Variants in JAK1 observed in about 807,000 individuals in gnomAD.
JAK1 encodes Janus kinase 1, also known as tyrosine-protein kinase JAK1.
A neutral mutation model predicts 136.6 loss-of-function variants in JAK1; 16 were observed. That is an observed-to-expected ratio of 0.12 (90% CI 0.08 to 0.18). JAK1 has a LOEUF of 0.18. JAK1 is among the 10% of genes least tolerant of loss of function. The pLI, the probability that JAK1 is intolerant of heterozygous loss-of-function variation, is 1.00. For synonymous variants in JAK1, 492 were observed against 519.5 expected (o/e 0.95, Z 0.72); for missense variants, 859 against 1,450.1 (o/e 0.59, Z 6.62).
In JAK1 at chr1:64,866,940, C is replaced by T; in HGVS notation, c.916G>A (p.Asp306Asn). ...TCGTAGTAGAGAACGTTTCCACCGTCATTCGAATGAAACCAATTCATCTCA... is the reference window on the plus strand; with the variant it reads ...TCGTAGTAGAGAACGTTTCCACCGTTATTCGAATGAAACCAATTCATCTCA... ...ENEMNWFHSN[D>N]GGNVLYYEVM... Residue 306 changes from aspartate to asparagine, a missense_variant, in exon 7 of 25, where the codon GAC becomes AAC. Coordinates refer to ENST00000342505, the MANE Select transcript of JAK1 (RefSeq NM_002227.4). 19 of 1,614,226 alleles carry T rather than the reference C, an allele frequency of 1.2e-5. No individual in the cohort carries two copies. Among genetic ancestry groups the T allele is most frequent in the Non-Finnish European group, 1.6e-5 (19 of 1,180,038 alleles).
intron 1 of JAK1, among the ~76,000 whole-genome samples, chr1:64,914,745 G>C (rs1274920069): frequency 6.6e-6 from 1 of 152,068 alleles, no homozygotes; most frequent in Non-Finnish European, 1.5e-5. Context: ...TGTATTTTTA[G>C]TAGAGATGGG....
At chr1:64,965,464 G>T (rs928240424) in intron 1 of JAK1, among the ~76,000 whole-genome samples, 5 of 152,138 alleles carry the variant, frequency 3.3e-5, no homozygotes, top group African/African-American at 1.2e-4. Context: ...CTTTTATCTA[G>T]AAGTTCCGTG....
intron 2 of JAK1, among the ~76,000 whole-genome samples, chr1:65,037,982 G>A (rs748777565): frequency 6.6e-6 from 1 of 152,056 alleles, no homozygotes. Flanking sequence ...CCTATGATTG[G>A]CTTGTTACAA....
intron 1 of JAK1, among the ~76,000 whole-genome samples, chr1:64,892,326 G>A (rs560773087): frequency 3.3e-5 from 5 of 152,190 alleles, no homozygotes; most frequent in East Asian, 3.9e-4. Context: ...TGTCACCCAC[G>A]CTGGAATATA....
chr1:64,872,952 A>G (rs536886431), intron 5 of JAK1, among the ~76,000 whole-genome samples: 2 of 152,082 alleles, frequency 1.3e-5, no homozygotes, highest in African/African-American at 4.8e-5. Context: ...TTTCTATCCT[A>G]CCACCAGTGA....
intron 2 of JAK1, among the ~76,000 whole-genome samples, chr1:64,976,111 G>C (rs1341271837): frequency 6.6e-6 from 1 of 152,176 alleles, no homozygotes; most frequent in Non-Finnish European, 1.5e-5. Flanking sequence ...TGACCCCTTT[G>C]ATCCTAGATC....
chr1:64,878,177 G>A (rs1231094225), intron 4 of JAK1, among the ~76,000 whole-genome samples: 1 of 152,106 alleles, frequency 6.6e-6, no homozygotes. Flanking sequence ...TTTCAAAAAG[G>A]ATCCACCCTA....
intron 1 of JAK1, chr1:65,058,360 CCTG>C: frequency 1.9e-6 from 1 of 533,256 alleles, no homozygotes; most frequent in Non-Finnish European, 3.9e-6. Context: ...GTCCCAGCCA[CCTG>C]TTTCACATTC....
At chr1:64,980,067 AC>A (rs1646530444) in intron 2 of JAK1, among the ~76,000 whole-genome samples, 1 of 152,234 alleles carries the variant, frequency 6.6e-6, no homozygotes, top group Non-Finnish European at 1.5e-5. Context: ...TAGAGCATCT[AC>A]TATACGTCAG....
At chr1:64,863,044 A>T (rs191539788) in intron 8 of JAK1, among the ~76,000 whole-genome samples, 2 of 151,252 alleles carry the variant, frequency 1.3e-5, no homozygotes, top group African/African-American at 4.9e-5. Context: ...GATGCAGCAT[A>T]TAACAGGGGG....
chr1:64,861,676 C>T (rs899987333), intron 8 of JAK1, among the ~76,000 whole-genome samples: 2 of 152,094 alleles, frequency 1.3e-5, no homozygotes, highest in Non-Finnish European at 2.9e-5. Flanking sequence ...GAAAAAGGAG[C>T]AGGGGAGACA....
In JAK1 at chr1:64,856,581, C is replaced by T. The variant is rs532057612; in HGVS notation, c.1459-883G>A. On this transcript the variant is annotated intron_variant, in intron 10 of 24. Coordinates refer to ENST00000342505, the MANE Select transcript of JAK1 (RefSeq NM_002227.4). ...GGTACTGCACAGGCCAATTCCACTT[C>T]AGGAGGAGGCTGGGCTGTCTCATGC... Among the ~76,000 whole-genome samples, 23 of 152,280 alleles carry T rather than the reference C, an allele frequency of 1.5e-4. 1 individual carries two copies. Among genetic ancestry groups the T allele is most frequent in the African/African-American group, 5.1e-4 (21 of 41,556 alleles).
intron 1 of JAK1, among the ~76,000 whole-genome samples, chr1:65,047,422 TA>T (rs1647194333): frequency 6.6e-6 from 1 of 152,050 alleles, no homozygotes; most frequent in Admixed American, 6.6e-5. Flanking sequence ...ATCTCATAAC[TA>T]AAAAGTCATA....
chr1:64,907,004 C>CA (rs35945175), intron 1 of JAK1, among the ~76,000 whole-genome samples: 106,828 of 140,274 alleles, frequency 0.76, 41,059 homozygotes, highest in Non-Finnish European at 0.85. Flanking sequence ...AGGAGAAGCA[C>CA]AAAAAAAAAA....
chr1:64,852,235 T>C (rs557846846), intron 11 of JAK1, among the ~76,000 whole-genome samples: 1 of 152,370 alleles, frequency 6.6e-6, no homozygotes, highest in Non-Finnish European at 1.5e-5. Flanking sequence ...ATTTTATAGA[T>C]GAGAAAACAG....
At chr1:64,967,110 T>C (rs1237761679), upstream of JAK1, among the ~76,000 whole-genome samples, 1 of 151,812 alleles carries the variant, frequency 6.6e-6, no homozygotes, top group Non-Finnish European at 1.5e-5. Flanking sequence ...CATTCACTGA[T>C]ACCTAATGCA....
At chr1:65,019,795 A>C (rs1431770042) in intron 2 of JAK1, among the ~76,000 whole-genome samples, 1 of 152,042 alleles carries the variant, frequency 6.6e-6, no homozygotes, top group Non-Finnish European at 1.5e-5. Flanking sequence ...AGGCACCTGT[A>C]ATCCCATCTA....
intron 11 of JAK1, among the ~76,000 whole-genome samples, chr1:64,854,327 C>T (rs1012443836): frequency 5.3e-5 from 8 of 152,168 alleles, no homozygotes; most frequent in Non-Finnish European, 1.0e-4. Flanking sequence ...TCCTCTGACA[C>T]TCATGGGGCC....
intron 1 of JAK1, among the ~76,000 whole-genome samples, chr1:64,962,806 G>A (rs1294795079): frequency 2.0e-5 from 3 of 152,186 alleles, no homozygotes; most frequent in African/African-American, 7.2e-5. Context: ...GGTGGCTCAC[G>A]CCTGTAATCC....
Sources: allele counts gnomAD v4.1 joint callset (sites outside exome capture counted in the v4.1 genomes callset), GRCh38; gene constraint gnomAD v4.1.1; transcripts MANE v1.5; gene names NCBI Gene and HGNC (gene_info 2026-07-23, HGNC 2026-07-21).